SCIN: variants seen among roughly 807,000 people sequenced by gnomAD.
SCIN encodes the protein scinderin.
In SCIN, 91 loss-of-function variants were observed where a neutral mutation model predicts 91.8. The ratio of observed to expected loss-of-function variants is 0.99; its 90% CI spans 0.84 to 1.18. The LOEUF is 1.18. SCIN is among the 50% of genes most tolerant of loss of function. The pLI is 0.00. For missense variants in SCIN, 1,087 were observed against 863.9 expected (o/e 1.26, Z -3.24); for synonymous variants, 367 against 312.6 (o/e 1.17, Z -1.84).
intron 3 of SCIN, among the ~76,000 whole-genome samples, chr7:12,582,594 A>G (rs1409392470): frequency 6.6e-6 from 1 of 152,138 alleles, no homozygotes; most frequent in Non-Finnish European, 1.5e-5. Context: ...CTACACCCTA[A>G]ATGGCAGTAC....
In SCIN at chr7:12,591,215, C is replaced by G. The variant is rs759050123; in HGVS notation, c.516+9994C>G. 3.3e-5 allele frequency among the ~76,000 whole-genome samples: 5 copies of G among 152,070 alleles called. No homozygotes were observed. The South Asian group carries it at 6.2e-4, about 19-fold the overall frequency. On this transcript the variant is annotated intron_variant, in intron 3 of 15. Coordinates refer to ENST00000297029, the MANE Select transcript of SCIN (RefSeq NM_001112706.3). Reference sequence around the variant, plus strand: ...GGATGCTGGGTTGAGGGAAGCACTTCTGGTAAGACTGAATTTGGGATTTTT... The same window carrying G: ...GGATGCTGGGTTGAGGGAAGCACTTGTGGTAAGACTGAATTTGGGATTTTT...
chr7:12,616,287 T>C lies in SCIN; in HGVS notation c.667-6514T>C, dbSNP rs569870790. Among the ~76,000 whole-genome samples the C allele has an allele frequency of 1.7e-4, 26 of 152,214 alleles. No homozygotes were observed. The East Asian group carries it at 5.0e-3, about 29-fold the overall frequency. ...GAAATGGGACCTAATAAGAGATGAC[T>C]AGAGCCCTCATGAATAGTTTGACAT... On this transcript the variant is annotated intron_variant, in intron 4 of 15. Transcript: ENST00000297029.
intron 4 of SCIN, among the ~76,000 whole-genome samples, chr7:12,617,355 G>C (rs1783320569): frequency 6.6e-6 from 1 of 152,046 alleles, no homozygotes; most frequent in Admixed American, 6.6e-5. Flanking sequence ...GCTCCACCCA[G>C]CTCAGCCTGC....
Position 12,651,791 on chromosome 7 carries a change from T to C in SCIN, c.1960-50T>C, listed in dbSNP as rs775197594. ...AAGCACTTTACATAGGGCCTAGCAC[T>C]GAGTCAACATCCCAGAAATCATACA... On this transcript the variant is annotated intron_variant, in intron 14 of 15. Transcript: ENST00000297029. This position sits in a 1 kb window ranked among gnomAD's most constrained non-coding sequence, Gnocchi z 5.9. 12 of 1,218,718 alleles carry C rather than the reference T, an allele frequency of 9.8e-6. No homozygotes were observed. The highest frequency in any genetic ancestry group is 2.0e-5 in the Admixed American group (1 of 50,818). The allele number at this position is 1,218,718 out of a possible 1,614,324, so 75.5% of individuals were successfully genotyped here.
Position 12,578,186 on chromosome 7 carries a change from G to A in SCIN, c.322G>A (p.Val108Ile), listed in dbSNP as rs956528696. Reference protein sequence around the residue: ...ELQGYESNDFVSYFKGGLKYK... With the variant: ...ELQGYESNDFISYFKGGLKYK... ...TCAAGGATATGAGTCTAATGACTTT[G>A]TTAGCTATTTCAAAGGCGGTCTGAA... Residue 108 changes from valine (V) to isoleucine (I), a missense_variant, in exon 2 of 16, where the codon GTT becomes ATT. Physicochemically the swap from Val to Ile is conservative, Grantham distance 29. Coordinates refer to ENST00000297029, the MANE Select transcript of SCIN (RefSeq NM_001112706.3). 8 of 1,548,244 alleles carry A rather than the reference G, an allele frequency of 5.2e-6. No individual in the cohort carries two copies. Among genetic ancestry groups the A allele is most frequent in the Admixed American group, 2.0e-5 (1 of 50,330 alleles).
rs116615842 is a variant in SCIN, at chr7:12,640,268, T to C, written c.1411-79T>C. ...TTGTTTTATTTTCAAAAAGACAACA[T>C]AAGAACACATTTGGAACTAAAACCT... On this transcript the variant is annotated intron_variant, in intron 10 of 15. Coordinates refer to ENST00000297029, the MANE Select transcript of SCIN (RefSeq NM_001112706.3). The C allele has an allele frequency of 4.3e-4, 538 of 1,260,302 alleles. 3 individuals are homozygous for C. In the African/African-American group the frequency reaches 7.8e-3, roughly 18 times the overall value. 78.1% of individuals were successfully genotyped at this position (1,260,302 alleles called of 1,614,324 possible).
At chr7:12,615,561 C>T (rs1318412778) in intron 4 of SCIN, among the ~76,000 whole-genome samples, 2 of 152,098 alleles carry the variant, frequency 1.3e-5, no homozygotes, top group South Asian at 2.1e-4. Flanking sequence ...ATTAATTACC[C>T]AGTATCAGGT....
chr7:12,593,031 A>T (rs952948699), intron 3 of SCIN, among the ~76,000 whole-genome samples: 7 of 152,286 alleles, frequency 4.6e-5, no homozygotes, highest in African/African-American at 1.7e-4. Flanking sequence ...TGTTGAAGGG[A>T]TGGTGGCTCT....
chr7:12,605,166 C>G (rs966525994), intron 4 of SCIN, among the ~76,000 whole-genome samples: 2 of 152,174 alleles, frequency 1.3e-5, no homozygotes, highest in African/African-American at 4.8e-5. Flanking sequence ...ATTCTCCTGC[C>G]TCAGCCTCCC....
chr7:12,616,909 T>C (rs1293752932), intron 4 of SCIN, among the ~76,000 whole-genome samples: 1 of 152,136 alleles, frequency 6.6e-6, no homozygotes, highest in East Asian at 1.9e-4. Flanking sequence ...CATAAAAGAC[T>C]TTTCTCCAGG....
At chr7:12,636,584 C>A (rs1392591306) in intron 10 of SCIN, among the ~76,000 whole-genome samples, 1 of 152,110 alleles carries the variant, frequency 6.6e-6, no homozygotes, top group East Asian at 1.9e-4. Context: ...TATGGTTGTT[C>A]ATCAGCAGAT....
rs1393162357 is a variant in SCIN at position 12,651,475 on chromosome 7, A to C, written c.1960-366A>C. The stretch of plus-strand genomic sequence containing the variant: ...GTCAAAGAAGTGTATTCGGAGGTGA[A>C]ATATTTTGGTTTCCTTCGACTGCTG... On this transcript the variant is annotated intron_variant, in intron 14 of 15. Coordinates refer to ENST00000297029, the MANE Select transcript of SCIN (RefSeq NM_001112706.3). This position sits in a 1 kb window ranked among gnomAD's most constrained non-coding sequence, Gnocchi z 5.9. Among the ~76,000 whole-genome samples the C allele has an allele frequency of 1.3e-5, 2 of 152,146 alleles. No homozygotes were observed. The highest frequency in any genetic ancestry group is 3.8e-4 in the East Asian group (2 of 5,196).
chr7:12,604,398 TCAA>T (rs1783027708), intron 3 of SCIN, 113 bp from the exon 4 acceptor site: 4 of 891,164 alleles, frequency 4.5e-6, no homozygotes. Context: ...TGTATATACC[TCAA>T]CAATAGGTCA....
chr7:12,589,724 C>A (rs1061856), intron 3 of SCIN, among the ~76,000 whole-genome samples: 1 of 152,218 alleles, frequency 6.6e-6, no homozygotes, highest in Admixed American at 6.5e-5. Flanking sequence ...GGATTGGAGA[C>A]CCCTTCGTGG....
Position 12,654,678 on chromosome 7 carries a change from G to A in SCIN, c.*1963G>A, listed in dbSNP as rs780847462. ...TGGCTTAGGGTACACTGTATTTTAC[G>A]ATGTTTCTCTAGTTTAGCCAGTGGT... On this transcript the variant is annotated 3_prime_UTR_variant, in exon 16 of 16. Transcript: ENST00000297029. 1 of 152,064 alleles carries A rather than the reference G, an allele frequency of 6.6e-6. No homozygotes were observed. Among genetic ancestry groups the A allele is most frequent in the Non-Finnish European group, 1.5e-5 (1 of 67,988 alleles). 9.4% of individuals were successfully genotyped at this position (152,064 alleles called of 1,614,324 possible).
chr7:12,652,871 A>G lies in SCIN; in HGVS notation c.*156A>G. ...GTAATCCCAGCACTTTGAGAGGATGAGGTAGGCGGATCACTGGGGTCAGGA... is the reference window on the plus strand; with the variant it reads ...GTAATCCCAGCACTTTGAGAGGATGGGGTAGGCGGATCACTGGGGTCAGGA... On this transcript the variant is annotated 3_prime_UTR_variant, in exon 16 of 16. Coordinates refer to ENST00000297029, the MANE Select transcript of SCIN (RefSeq NM_001112706.3). The G allele has an allele frequency of 1.2e-6, 1 of 827,060 alleles. No homozygotes were observed. Among genetic ancestry groups the G allele is most frequent in the East Asian group, 3.0e-5 (1 of 33,710 alleles). The allele number at this position is 827,060 out of a possible 1,614,324, so 51.2% of individuals were successfully genotyped here.
rs576807008 is a variant in SCIN, at chr7:12,631,639, C to T, written c.1319+2417C>T. On this transcript the variant is annotated intron_variant, in intron 9 of 15. Transcript: ENST00000297029. ...CTCAACCCCCTCACTGTGTGATGAC[C>T]TGCACTGCCTCAGGAGTCTGCAGAG... 2.6e-5 allele frequency among the ~76,000 whole-genome samples: 4 copies of T among 152,286 alleles called. No individual in the cohort carries two copies. In the East Asian group the frequency reaches 7.7e-4, roughly 29 times the overall value.
chr7:12,656,284 T>C lies in SCIN; in HGVS notation c.*3569T>C, dbSNP rs1256631328. 6.6e-6 allele frequency: 1 copy of C among 152,182 alleles called. No individual in the cohort carries two copies. Among genetic ancestry groups the C allele is most frequent in the Non-Finnish European group, 1.5e-5 (1 of 68,038 alleles). 9.4% of individuals were successfully genotyped at this position (152,182 alleles called of 1,614,324 possible). A position where few individuals can be genotyped will look rare whatever the true frequency, so the allele number is the denominator to read the frequency against. ...TTCTCCAAAGCTATATACTGTGAAT[T>C]TATACTGTTGTGTAGTGACACAAGC... On this transcript the variant is annotated 3_prime_UTR_variant, in exon 16 of 16. Transcript: ENST00000297029.
At chr7:12,592,303 G>T (rs566556400) in intron 3 of SCIN, among the ~76,000 whole-genome samples, 8 of 152,240 alleles carry the variant, frequency 5.3e-5, no homozygotes, top group Non-Finnish European at 1.2e-4. Flanking sequence ...CTCGGAGGTT[G>T]TGAACGAGTC....
Sources: allele counts gnomAD v4.1 joint callset (sites outside exome capture counted in the v4.1 genomes callset), GRCh38; gene constraint gnomAD v4.1.1; non-coding constraint Gnocchi (gnomAD v3.1); transcripts MANE v1.5; gene names NCBI Gene and HGNC (gene_info 2026-07-23, HGNC 2026-07-21).